The following GK5 variants were observed in gnomAD, a reference collection of about 807,000 sequenced individuals.
GK5 encodes the protein glycerol kinase 5.
Under a neutral mutation model 77.3 loss-of-function variants are expected in GK5, and 39 were observed. The ratio of observed to expected loss-of-function variants is 0.50; its 90% confidence interval spans 0.39 to 0.66. The LOEUF (loss-of-function observed/expected upper bound fraction) is 0.66, where lower values mean the gene tolerates loss of function less well. GK5 is among the 30% of genes least tolerant of loss of function. The pLI, the probability that GK5 is intolerant of heterozygous loss-of-function variation, is 0.00. For missense variants in GK5, 487 were observed against 633.8 expected (o/e 0.77, Z 2.49); for synonymous variants, 211 against 208.0 (o/e 1.01, Z -0.13).
At chr3:142,211,337 G>A (rs958960392) in intron 3 of GK5, among the ~76,000 whole-genome samples, 2 of 152,182 alleles carry the variant, frequency 1.3e-5, no homozygotes, top group African/African-American at 4.8e-5. Flanking sequence ...TACCTTATCT[G>A]TACAGGTAAG....
intron 1 of GK5, among the ~76,000 whole-genome samples, chr3:142,217,010 A>G (rs2064283647): frequency 6.6e-6 from 1 of 152,382 alleles, no homozygotes; most frequent in East Asian, 1.9e-4. Flanking sequence ...GTCTTTTAAC[A>G]TAATATTCAA....
At chr3:142,207,893 C>T (rs2064133923) in intron 3 of GK5, among the ~76,000 whole-genome samples, 4 of 152,084 alleles carry the variant, frequency 2.6e-5, no homozygotes, top group Admixed American at 2.0e-4. Flanking sequence ...ATGGAAATCG[C>T]AACATTTACC....
At chr3:142,210,261 G>A (rs1402976228) in intron 3 of GK5, among the ~76,000 whole-genome samples, 1 of 152,158 alleles carries the variant, frequency 6.6e-6, no homozygotes, top group Non-Finnish European at 1.5e-5. Flanking sequence ...ATGGATGCAG[G>A]AGGAAAAAAA....
intron 2 of GK5, 90 bp downstream of exon 2, chr3:142,215,509 C>G (rs1181211924): frequency 3.0e-6 from 2 of 671,610 alleles, no homozygotes; most frequent in Non-Finnish European, 5.1e-6. Context: ...ATATGTATAA[C>G]TTAGGAAAAC....
intron 1 of GK5, among the ~76,000 whole-genome samples, chr3:142,216,826 A>G (rs2064281799): frequency 6.6e-6 from 1 of 152,210 alleles, no homozygotes; most frequent in African/African-American, 2.4e-5. Context: ...CAGACTGACT[A>G]CTAGGTTGCA....
chr3:142,209,776 C>T (rs564399251), intron 3 of GK5, among the ~76,000 whole-genome samples: 58 of 152,230 alleles, frequency 3.8e-4, no homozygotes, highest in African/African-American at 1.3e-3. Context: ...CATCTGTATA[C>T]GCAGTGCAGC....
rs1369168878 is a variant in GK5, at chr3:142,202,188, A to C, written c.411+2507T>G. ...TGGTCAGAAGTGTAGAAAGAGCCAA[A>C]CCTTGGTAAGGAGTTGGGATTTTAT... On this transcript the variant is annotated intron_variant, in intron 4 of 15. Coordinates refer to ENST00000392993, the MANE Select transcript of GK5 (RefSeq NM_001039547.3). Among the ~76,000 whole-genome samples, 4 of 152,162 alleles carry C rather than the reference A, an allele frequency of 2.6e-5. No homozygotes were observed. In the East Asian group the frequency reaches 7.7e-4, roughly 29 times the overall value.
chr3:142,183,164 T>C, intron 9 of GK5, 115 bp from the exon 10 acceptor site: 2 of 984,498 alleles, frequency 2.0e-6, no homozygotes, highest in Non-Finnish European at 2.9e-6. Flanking sequence ...TCTTTTTCCT[T>C]TTCCTTAAAA....
In GK5 at chr3:142,158,027, C is replaced by T. The variant is rs2063396383; in HGVS notation, c.*7595G>A. 6.6e-6 allele frequency: 1 copy of T among 151,812 alleles called. No homozygotes were observed. Among genetic ancestry groups the T allele is most frequent in the South Asian group, 2.1e-4 (1 of 4,806 alleles). The allele number at this position is 151,812 out of a possible 1,614,324, so 9.4% of individuals were successfully genotyped here. A position where few individuals can be genotyped will look rare whatever the true frequency, so the allele number is the denominator to read the frequency against. On this transcript the variant is annotated 3_prime_UTR_variant, in exon 16 of 16. Coordinates refer to ENST00000392993, the MANE Select transcript of GK5 (RefSeq NM_001039547.3). ...AGTGCAGTGGCGCGATCTCAGCTCA[C>T]TGCAAGCTCCGCCTCCTGGGTTCAT...
chr3:142,171,350 GGTAGCTCATAGCAGCTAC>G (rs2063534710), intron 14 of GK5, 51 bp downstream of exon 14: 1 of 1,319,924 alleles, frequency 7.6e-7, no homozygotes, highest in Admixed American at 3.4e-5. Context: ...AGAAATGAGT[GGTAGCTCATAGCAGCTAC>G]CACTTACTTC....
chr3:142,216,864 T>G (rs114290677), intron 1 of GK5, among the ~76,000 whole-genome samples: 3 of 152,208 alleles, frequency 2.0e-5, no homozygotes, highest in Non-Finnish European at 4.4e-5. Flanking sequence ...CAAATAGTAC[T>G]GCCAAGATTT....
At chr3:142,223,825 G>A (rs773315412) in intron 1 of GK5, among the ~76,000 whole-genome samples, 4 of 152,134 alleles carry the variant, frequency 2.6e-5, no homozygotes, top group Admixed American at 1.3e-4. Flanking sequence ...GTGACAGAGC[G>A]AGACTCCGTC....
chr3:142,186,270 G>A lies in GK5; in HGVS notation c.682-3C>T. Reference sequence around the variant, plus strand: ...GTAATCATCCCACTCCAACACATCTGAGCATAAAAACGTATCATCAGAATA... The same window carrying A: ...GTAATCATCCCACTCCAACACATCTAAGCATAAAAACGTATCATCAGAATA... On this transcript the variant is annotated splice_polypyrimidine_tract_variant and splice_region_variant and intron_variant, in intron 7 of 15. Coordinates refer to ENST00000392993, the MANE Select transcript of GK5 (RefSeq NM_001039547.3). 1.9e-6 allele frequency: 3 copies of A among 1,590,772 alleles called. No homozygotes were observed. Among genetic ancestry groups the A allele is most frequent in the Non-Finnish European group, 2.6e-6 (3 of 1,159,568 alleles).
chr3:142,173,834 G>A (rs73872587), intron 12 of GK5, among the ~76,000 whole-genome samples: 7,907 of 152,206 alleles, frequency 0.052, 706 homozygotes, highest in African/African-American at 0.18. Context: ...GACATCCAGC[G>A]CTGTCAGGAA....
At position 142,186,181 on chromosome 3, in the gene GK5, T is replaced by C. The variant is rs2063767133; in HGVS notation, c.755+13A>G. ...CCATTGTGCTGGTTACTATGTCTGATGTTTATTATTACCTTGTGTCCCTCA... is the reference window on the plus strand; with the variant it reads ...CCATTGTGCTGGTTACTATGTCTGACGTTTATTATTACCTTGTGTCCCTCA... On this transcript the variant is annotated intron_variant, in intron 8 of 15. Transcript: ENST00000392993. The C allele has an allele frequency of 2.0e-6, 3 of 1,495,392 alleles. No individual in the cohort carries two copies. Among genetic ancestry groups the C allele is most frequent in the Non-Finnish European group, 2.8e-6 (3 of 1,073,866 alleles). The allele number at this position is 1,495,392 out of a possible 1,614,324, so 92.6% of individuals were successfully genotyped here. A position where few individuals can be genotyped will look rare whatever the true frequency, so the allele number is the denominator to read the frequency against.
rs1273354139 is a variant in GK5 at position 142,225,191 on chromosome 3, C to T, written c.147+118G>A. 8 of 1,139,344 alleles carry T rather than the reference C, an allele frequency of 7.0e-6. No homozygotes were observed. The African/African-American group carries it at 1.2e-4, about 16-fold the overall frequency. The allele number at this position is 1,139,344 out of a possible 1,614,324, so 70.6% of individuals were successfully genotyped here. A position where few individuals can be genotyped will look rare whatever the true frequency, so the allele number is the denominator to read the frequency against. On this transcript the variant is annotated intron_variant, in intron 1 of 15. Coordinates refer to ENST00000392993, the MANE Select transcript of GK5 (RefSeq NM_001039547.3). The stretch of plus-strand genomic sequence containing the variant: ...GTTCTGGCCCCAGGGCCCGCGGGTG[C>T]TGCAGGTGGCCGCGTCCAGGGCGGT...
chr3:142,163,463 C>G lies in GK5; in HGVS notation c.*2159G>C, dbSNP rs2063441514. On this transcript the variant is annotated 3_prime_UTR_variant, in exon 16 of 16. Coordinates refer to ENST00000392993, the MANE Select transcript of GK5 (RefSeq NM_001039547.3). ...CTAATTTTTGTATTTTTAGTGGAGA[C>G]AGGGTTTCACCGTGTTTGACCAGGT... 1 of 151,890 alleles carries G rather than the reference C, an allele frequency of 6.6e-6. No individual in the cohort carries two copies. The highest frequency in any genetic ancestry group is 1.5e-5 in the Non-Finnish European group (1 of 68,024). The allele number at this position is 151,890 out of a possible 1,614,324, so 9.4% of individuals were successfully genotyped here.
intron 12 of GK5, among the ~76,000 whole-genome samples, chr3:142,175,106 A>C (rs903532990): frequency 1.3e-5 from 2 of 152,246 alleles, no homozygotes; most frequent in Non-Finnish European, 2.9e-5. Flanking sequence ...ACCAGTCCTC[A>C]AGAGTATGTG....
rs2064260635 is a variant in GK5, at chr3:142,215,466, C to G, written c.241+133G>C. ...AATTACAAATTTCCGTTGAAAAATA[C>G]TGGGAAACTGTAATCCCAATAAAAT... On this transcript the variant is annotated intron_variant, in intron 2 of 15. Coordinates refer to ENST00000392993, the MANE Select transcript of GK5 (RefSeq NM_001039547.3). The G allele has an allele frequency of 8.0e-6, 4 of 502,912 alleles. No homozygotes were observed. The South Asian group carries it at 1.5e-4, about 19-fold the overall frequency. 31.2% of individuals were successfully genotyped at this position (502,912 alleles called of 1,614,324 possible). A position where few individuals can be genotyped will look rare whatever the true frequency, so the allele number is the denominator to read the frequency against.
Sources: gnomAD v4.1 joint callset for allele counts (sites outside exome capture counted in the v4.1 genomes callset) on GRCh38, gnomAD v4.1.1 for gene constraint, MANE v1.5 for transcripts, NCBI Gene and HGNC (gene_info 2026-07-23, HGNC 2026-07-21) for gene names.